The following CDC42BPB variants were observed in gnomAD, a reference collection of about 807,000 sequenced individuals.
CDC42BPB encodes serine/threonine-protein kinase MRCK beta.
CDC42BPB carries 37 observed loss-of-function variants against 214.9 expected under a neutral mutation model. The ratio of observed to expected loss-of-function variants is 0.17; its 90% CI spans 0.13 to 0.23. The LOEUF (loss-of-function observed/expected upper bound fraction) is 0.23. CDC42BPB is among the 10% of genes least tolerant of loss of function. CDC42BPB has a pLI of 1.00. For synonymous variants in CDC42BPB, 931 were observed against 884.0 expected, an observed-to-expected ratio of 1.05 and a Z score of -0.94; for missense variants, 1,694 against 2,227.0, an observed-to-expected ratio of 0.76 and a Z score of 4.82.
intron 1 of CDC42BPB, among the ~76,000 whole-genome samples, chr14:103,052,365 A>T (rs893429343): frequency 1.3e-5 from 2 of 152,222 alleles, no homozygotes; most frequent in Non-Finnish European, 2.9e-5. Context: ...CATGTTATGC[A>T]AATATTCTAT....
Position 103,048,287 on chromosome 14 carries a change from T to C in CDC42BPB, c.175+8712A>G, listed in dbSNP as rs112551887. Among the ~76,000 whole-genome samples, 759 of 152,112 alleles carry C rather than the reference T, an allele frequency of 5.0e-3. 11 individuals are homozygous for C. Among genetic ancestry groups the C allele is most frequent in the African/African-American group, 0.017 (709 of 41,486 alleles). On this transcript the variant is annotated intron_variant, in intron 1 of 36. Coordinates refer to ENST00000361246, the MANE Select transcript of CDC42BPB (RefSeq NM_006035.4). ...GGCCGGGAGCGGTGGCTCACTCCTG[T>C]AATCCTAGCACTTCAGGAGGCCAAT... is the stretch of plus-strand genomic sequence containing the variant.
chr14:103,041,924 T>C, intron 1 of CDC42BPB: 1 of 402,014 alleles, frequency 2.5e-6, no homozygotes. Context: ...ACAGGACCGG[T>C]CATGCCCATC....
intron 1 of CDC42BPB, among the ~76,000 whole-genome samples, chr14:103,032,249 C>A (rs989115062): frequency 6.6e-6 from 1 of 152,134 alleles, no homozygotes; most frequent in Non-Finnish European, 1.5e-5. Context: ...ACGCACTTCT[C>A]GGCCTCTCTG....
At chr14:103,008,360 G>A in intron 3 of CDC42BPB, 112 bp downstream of exon 3, 2 of 732,872 alleles carry the variant, frequency 2.7e-6, no homozygotes, top group East Asian at 2.5e-5. Context: ...TGTCCGGGGG[G>A]CAGGGAGGCC....
intron 1 of CDC42BPB, among the ~76,000 whole-genome samples, chr14:103,016,268 A>C (rs1245405554): frequency 1.3e-5 from 2 of 152,238 alleles, no homozygotes; most frequent in African/African-American, 4.8e-5. Flanking sequence ...TGCCAGAAGG[A>C]ACTTCGCTGC....
chr14:103,002,732 G>A (rs557261404), intron 4 of CDC42BPB, among the ~76,000 whole-genome samples: 7 of 152,230 alleles, frequency 4.6e-5, no homozygotes, highest in Admixed American at 2.0e-4. Context: ...AAGTGACTTC[G>A]CCTCCCTCTG....
chr14:102,967,432 A>G (rs886852558), intron 16 of CDC42BPB: 1 of 815,970 alleles, frequency 1.2e-6, no homozygotes, highest in African/African-American at 1.8e-5. Context: ...CAAACATCCT[A>G]TTTAAAAGAC....
chr14:102,941,044 T>TA (rs2139350158), intron 30 of CDC42BPB: 1 of 904,312 alleles, frequency 1.1e-6, no homozygotes, highest in African/African-American at 1.8e-5. Flanking sequence ...ATTTGGAGTT[T>TA]AAGGGGCTTT....
intron 22 of CDC42BPB, 148 bp downstream of exon 22, chr14:102,954,454 T>C: frequency 7.0e-7 from 1 of 1,428,798 alleles, no homozygotes; most frequent in Non-Finnish European, 9.2e-7. Context: ...GACTGACAGT[T>C]AATTCTCAAA....
At chr14:102,967,192 A>C (rs1893248444) in intron 16 of CDC42BPB, 22 bp from the exon 17 acceptor site, 1 of 1,600,774 alleles carries the variant, frequency 6.2e-7, no homozygotes, top group Non-Finnish European at 8.5e-7. Context: ...CAATTTCACC[A>C]CAGAACTTGT....
At chr14:102,981,615 T>C (rs35798748) in intron 7 of CDC42BPB, among the ~76,000 whole-genome samples, 256 of 152,234 alleles carry the variant, frequency 1.7e-3, no homozygotes, top group African/African-American at 6.0e-3. Context: ...ACCCTGTCTC[T>C]ACTAAAAATA....
Position 103,004,539 on chromosome 14 carries a change from C to T in CDC42BPB, c.352-516G>A, listed in dbSNP as rs1425992580. ...CTAGGGAGGCCTACAGCCAGCAGCA[C>T]AGGGCAAGAGGCTGCCCTCTACCCT... On this transcript the variant is annotated intron_variant, in intron 3 of 36. Transcript: ENST00000361246. This position sits in a 1 kb window ranked among gnomAD's most constrained non-coding sequence, Gnocchi z 5.3. 6.6e-6 allele frequency among the ~76,000 whole-genome samples: 1 copy of T among 152,242 alleles called. No homozygotes were observed. Among genetic ancestry groups the T allele is most frequent in the Non-Finnish European group, 1.5e-5 (1 of 68,048 alleles).
intron 18 of CDC42BPB, chr14:102,964,927 C>CTTTTT (rs926008057): frequency 1.4e-5 from 4 of 287,068 alleles, no homozygotes; most frequent in Admixed American, 6.9e-5. Flanking sequence ...CTTTTCTTTT[C>CTTTTT]TTTTTTTTTT....
intron 5 of CDC42BPB, among the ~76,000 whole-genome samples, chr14:102,997,984 A>C (rs1163345531): frequency 1.3e-5 from 2 of 152,176 alleles, no homozygotes; most frequent in Non-Finnish European, 2.9e-5. Context: ...ATCTCTACTA[A>C]AAATACAAAA....
intron 3 of CDC42BPB, 118 bp downstream of exon 3, chr14:103,008,354 C>CG (rs1425333831): frequency 5.0e-5 from 36 of 714,000 alleles, no homozygotes; most frequent in South Asian, 1.5e-4. Flanking sequence ...TCGCTCTGTC[C>CG]GGGGGGCAGG....
In CDC42BPB at chr14:103,011,970, A is replaced by G. The variant is rs1886184474; in HGVS notation, c.267+127T>C. On this transcript the variant is annotated intron_variant, in intron 2 of 36. Transcript: ENST00000361246. Reference sequence around the variant, plus strand: ...ATCTTAGAAAGAGAGAGAGGAAAAAACAAACTCTCCAAATAATACTAATTA... The same window carrying G: ...ATCTTAGAAAGAGAGAGAGGAAAAAGCAAACTCTCCAAATAATACTAATTA... The G allele has an allele frequency of 4.3e-6, 3 of 699,032 alleles. No homozygotes were observed. The Admixed American group carries it at 7.2e-5, about 17-fold the overall frequency. 43.3% of individuals were successfully genotyped at this position (699,032 alleles called of 1,614,324 possible). A position where few individuals can be genotyped will look rare whatever the true frequency, so the allele number is the denominator to read the frequency against.
intron 8 of CDC42BPB, among the ~76,000 whole-genome samples, chr14:102,979,967 G>A (rs1174499736): frequency 6.6e-6 from 1 of 152,154 alleles, no homozygotes; most frequent in Non-Finnish European, 1.5e-5. Flanking sequence ...TCTTTATTCT[G>A]AACTCTTGCT....
chr14:103,019,840 C>T lies in CDC42BPB; in HGVS notation c.176-7652G>A, dbSNP rs34224493. 2.7e-3 allele frequency among the ~76,000 whole-genome samples: 417 copies of T among 152,294 alleles called. 3 individuals are homozygous for T. Among genetic ancestry groups the T allele is most frequent in the African/African-American group, 9.8e-3 (409 of 41,558 alleles). ...AATGGATTAATCAATCAAGTGTAAC[C>T]ACCGACAAATATGAGATCTAAACTG... On this transcript the variant is annotated intron_variant, in intron 1 of 36. Coordinates refer to ENST00000361246, the MANE Select transcript of CDC42BPB (RefSeq NM_006035.4).
intron 5 of CDC42BPB, 38 bp from the exon 6 acceptor site, chr14:102,986,618 T>C (rs2139540619): frequency 2.5e-6 from 4 of 1,605,716 alleles, no homozygotes; most frequent in South Asian, 2.2e-5. Flanking sequence ...ACCATCTCCA[T>C]GCAACACATT....
Sources: allele counts gnomAD v4.1 joint callset (sites outside exome capture counted in the v4.1 genomes callset), GRCh38; gene constraint gnomAD v4.1.1; non-coding constraint Gnocchi (gnomAD v3.1); transcripts MANE v1.5; gene names NCBI Gene and HGNC (gene_info 2026-07-23, HGNC 2026-07-21).